The following SCHIP1 variants were observed in gnomAD, a reference collection of about 807,000 sequenced individuals.
SCHIP1 encodes schwannomin-interacting protein 1.
SCHIP1 carries 8 observed loss-of-function variants against 29.7 expected under a neutral mutation model. The ratio of observed to expected loss-of-function variants is 0.27; its 90% CI spans 0.16 to 0.49. SCHIP1 has a LOEUF of 0.49. SCHIP1 is among the 20% of genes least tolerant of loss of function. SCHIP1 has a pLI of 0.99. For missense variants in SCHIP1, 193 were observed against 294.6 expected (o/e 0.66, Z 2.52); for synonymous variants, 76 against 94.9 (o/e 0.80, Z 1.16).
chr3:159,377,457 C>A, the SCHIP1 span, among the ~76,000 whole-genome samples: 1 of 152,128 alleles, frequency 6.6e-6, no homozygotes, highest in Admixed American at 6.5e-5. Flanking sequence ...ATGTCCCGCA[C>A]GTGGAAAATA....
chr3:159,422,305 C>CA, the SCHIP1 span, among the ~76,000 whole-genome samples: 1 of 152,136 alleles, frequency 6.6e-6, no homozygotes, highest in Non-Finnish European at 1.5e-5. Context: ...TTGAATTTCA[C>CA]AAAAATCTCC....
At chr3:159,704,908 ATTTCTTTCTTTCTTTC>A in the SCHIP1 span, among the ~76,000 whole-genome samples, 6 of 42,560 alleles carry the variant, frequency 1.4e-4, no homozygotes, top group African/African-American at 2.6e-4. Context: ...TTCTTTCTTT[ATTTCTTTCTTTCTTTC>A]TTTCTTTCTT....
the SCHIP1 span, among the ~76,000 whole-genome samples, chr3:159,470,383 CA>C: frequency 6.6e-6 from 1 of 152,050 alleles, no homozygotes; most frequent in African/African-American, 2.4e-5. Flanking sequence ...AACCATCTGG[CA>C]TAACAAATGA....
the SCHIP1 span, among the ~76,000 whole-genome samples, chr3:159,436,696 A>G: frequency 6.6e-6 from 1 of 152,188 alleles, no homozygotes; most frequent in African/African-American, 2.4e-5. Flanking sequence ...CTTGAAAGGT[A>G]TCTGCAAAGG....
the SCHIP1 span, among the ~76,000 whole-genome samples, chr3:159,641,067 A>C: frequency 6.6e-6 from 1 of 152,156 alleles, no homozygotes; most frequent in Admixed American, 6.6e-5. Context: ...CAACATTCTC[A>C]TAAATTTTTT....
chr3:159,601,321 C>A, the SCHIP1 span, among the ~76,000 whole-genome samples: 1 of 152,130 alleles, frequency 6.6e-6, no homozygotes, highest in Non-Finnish European at 1.5e-5. Flanking sequence ...AACAACCCCC[C>A]CATACACTAT....
intron 1 of SCHIP1, among the ~76,000 whole-genome samples, chr3:159,854,821 T>C (rs1030195194): frequency 1.7e-4 from 26 of 152,318 alleles, no homozygotes; most frequent in African/African-American, 6.3e-4. Flanking sequence ...AACATACCAT[T>C]GCTAATGCAT....
At chr3:159,595,607 T>A in the SCHIP1 span, among the ~76,000 whole-genome samples, 7 of 152,054 alleles carry the variant, frequency 4.6e-5, no homozygotes, top group Non-Finnish European at 1.0e-4. Flanking sequence ...ACCCTTGAGA[T>A]GAAAACTAGA....
the SCHIP1 span, among the ~76,000 whole-genome samples, chr3:159,580,731 T>G: frequency 6.6e-6 from 1 of 152,188 alleles, no homozygotes. Context: ...GGCCCCCTTT[T>G]CAAAGAACTG....
chr3:159,889,325 A>G (rs1717263360), intron 5 of SCHIP1, among the ~76,000 whole-genome samples: 1 of 152,332 alleles, frequency 6.6e-6, no homozygotes, highest in South Asian at 2.1e-4. Context: ...ATCATCATCA[A>G]TAAAATCAAA....
At chr3:159,495,089 C>T in the SCHIP1 span, among the ~76,000 whole-genome samples, 3 of 152,180 alleles carry the variant, frequency 2.0e-5, no homozygotes, top group African/African-American at 7.2e-5. Flanking sequence ...ATAAGTTAGG[C>T]ATTGATGGGA....
At chr3:159,280,464 G>A in the SCHIP1 span, among the ~76,000 whole-genome samples, 3 of 152,116 alleles carry the variant, frequency 2.0e-5, no homozygotes, top group Admixed American at 1.3e-4. Flanking sequence ...AAGTTGCAGG[G>A]CCATCGCTCA....
At chr3:159,894,943 C>T (rs933505072) in intron 6 of SCHIP1, among the ~76,000 whole-genome samples, 1 of 152,134 alleles carries the variant, frequency 6.6e-6, no homozygotes, top group Non-Finnish European at 1.5e-5. Flanking sequence ...TCTCAGAAAA[C>T]CTTTTGATGT....
At chr3:159,426,261 G>T in the SCHIP1 span, among the ~76,000 whole-genome samples, 15 of 151,950 alleles carry the variant, frequency 9.9e-5, no homozygotes, top group African/African-American at 3.6e-4. Context: ...TTTTTGAAAG[G>T]ATCAACAAAA....
the SCHIP1 span, among the ~76,000 whole-genome samples, chr3:159,280,282 C>T: frequency 6.6e-6 from 1 of 152,202 alleles, no homozygotes; most frequent in Non-Finnish European, 1.5e-5. Flanking sequence ...CTTGTTGCCC[C>T]TCCTGGAATG....
the SCHIP1 span, among the ~76,000 whole-genome samples, chr3:159,751,272 T>C: frequency 6.6e-6 from 1 of 152,140 alleles, no homozygotes; most frequent in Non-Finnish European, 1.5e-5. Flanking sequence ...AAAAGGTTGC[T>C]TTAAAAAAAC....
the SCHIP1 span, among the ~76,000 whole-genome samples, chr3:159,788,129 C>T: frequency 6.6e-6 from 1 of 152,124 alleles, no homozygotes; most frequent in South Asian, 2.1e-4. Flanking sequence ...TTTGAGTGAG[C>T]TGGCCCCACA....
At chr3:159,549,659 T>A in the SCHIP1 span, among the ~76,000 whole-genome samples, 1 of 152,156 alleles carries the variant, frequency 6.6e-6, no homozygotes, top group African/African-American at 2.4e-5. Flanking sequence ...TCCAGAACTG[T>A]GAGAAAATTA....
chr3:159,621,987 G>A, the SCHIP1 span, among the ~76,000 whole-genome samples: 18 of 152,124 alleles, frequency 1.2e-4, no homozygotes, highest in African/African-American at 3.6e-4. Context: ...TTTTAATAAG[G>A]CATCTGTCTC....
Sources: gnomAD v4.1 joint callset for allele counts (sites outside exome capture counted in the v4.1 genomes callset) on GRCh38, gnomAD v4.1.1 for gene constraint, MANE v1.5 for transcripts, NCBI Gene and HGNC (gene_info 2026-07-23, HGNC 2026-07-21) for gene names.